Variants in CSMD1 observed in about 807,000 individuals in gnomAD.
CSMD1 encodes CUB and sushi domain-containing protein 1.
A neutral mutation model predicts 417.5 loss-of-function variants in CSMD1; 213 were observed. The observed-to-expected ratio is 0.51, with a 90% CI of 0.46 to 0.57. The LOEUF is 0.57. Among genes scored for constraint, CSMD1 ranks in the 20% least tolerant of loss-of-function variants. The probability of loss-of-function intolerance (pLI) is 0.00; values close to 1 mark genes in which losing one functional copy is unlikely to be tolerated. For missense variants in CSMD1, 6,923 were observed against 4,529.7 expected, an observed-to-expected ratio of 1.53 and a Z score of -15.17; for synonymous variants, 2,862 against 1,736.8, an observed-to-expected ratio of 1.65 and a Z score of -16.11.
chr8:4,242,252 A>C (rs556156724), intron 3 of CSMD1, among the ~76,000 whole-genome samples: 1 of 152,186 alleles, frequency 6.6e-6, no homozygotes, highest in Non-Finnish European at 1.5e-5. Context: ...ATCTTTATAA[A>C]CATCATCTTC....
At chr8:3,108,891 G>A in intron 43 of CSMD1, 143 bp from the exon 44 acceptor site, 1 of 814,202 alleles carries the variant, frequency 1.2e-6, no homozygotes, top group South Asian at 2.1e-5. Flanking sequence ...TAAACATCAA[G>A]ATGTTGAATG....
intron 48 of CSMD1, among the ~76,000 whole-genome samples, chr8:3,091,136 A>G (rs61095123): frequency 0.21 from 32,181 of 151,906 alleles, 3,783 homozygotes; most frequent in South Asian, 0.31. Flanking sequence ...AACTATTAAT[A>G]GTAAGAGATT....
intron 2 of CSMD1, among the ~76,000 whole-genome samples, chr8:4,601,377 T>G (rs959730911): frequency 6.6e-6 from 1 of 152,190 alleles, no homozygotes; most frequent in Non-Finnish European, 1.5e-5. Context: ...GTGTCTGTTA[T>G]CATGGCATTT....
chr8:3,671,153 T>C (rs1346692723), intron 7 of CSMD1, among the ~76,000 whole-genome samples: 2 of 147,858 alleles, frequency 1.4e-5, no homozygotes, highest in African/African-American at 4.9e-5. Context: ...GTATATGGGA[T>C]ATATATGTAT....
intron 5 of CSMD1, among the ~76,000 whole-genome samples, chr8:3,805,178 T>A (rs1338440847): frequency 6.6e-6 from 1 of 151,898 alleles, no homozygotes; most frequent in African/African-American, 2.4e-5. Flanking sequence ...ACCACAATAT[T>A]CCCCAGGACT....
intron 3 of CSMD1, among the ~76,000 whole-genome samples, chr8:4,138,773 G>A (rs978959063): frequency 6.6e-6 from 1 of 152,094 alleles, no homozygotes; most frequent in Non-Finnish European, 1.5e-5. Flanking sequence ...TTAATTATCA[G>A]AATACACTAT....
At chr8:4,708,656 A>T (rs1808097444) in intron 1 of CSMD1, among the ~76,000 whole-genome samples, 1 of 151,804 alleles carries the variant, frequency 6.6e-6, no homozygotes, top group Non-Finnish European at 1.5e-5. Context: ...CATTATAGAC[A>T]CCATCCTAAC....
chr8:3,640,868 G>A (rs1464305320), intron 7 of CSMD1, among the ~76,000 whole-genome samples: 1 of 151,734 alleles, frequency 6.6e-6, no homozygotes, highest in Admixed American at 6.6e-5. Context: ...TTTTTTTATT[G>A]TTAATGATGT....
intron 4 of CSMD1, among the ~76,000 whole-genome samples, chr8:4,012,995 T>C (rs1002814786): frequency 6.6e-6 from 1 of 152,170 alleles, no homozygotes; most frequent in African/African-American, 2.4e-5. Flanking sequence ...ACAACACCTC[T>C]CATTTTCATT....
intron 6 of CSMD1, among the ~76,000 whole-genome samples, chr8:3,751,308 G>C (rs1245363990): frequency 6.9e-6 from 1 of 145,180 alleles, no homozygotes; most frequent in East Asian, 2.0e-4. Flanking sequence ...AAGTGTGTGT[G>C]TGTGTGTGTG....
At chr8:4,216,445 A>T (rs774658279) in intron 3 of CSMD1, among the ~76,000 whole-genome samples, 38 of 152,328 alleles carry the variant, frequency 2.5e-4, no homozygotes, top group African/African-American at 8.2e-4. Flanking sequence ...CTAAGTAAGT[A>T]AGTAAAGCTT....
intron 2 of CSMD1, among the ~76,000 whole-genome samples, chr8:4,464,564 T>C (rs1475016006): frequency 2.0e-5 from 3 of 152,184 alleles, no homozygotes; most frequent in African/African-American, 7.2e-5. Flanking sequence ...AATGGTCGTA[T>C]GGGTACTCAA....
intron 2 of CSMD1, among the ~76,000 whole-genome samples, chr8:4,521,399 C>G (rs143789198): frequency 1.3e-5 from 2 of 151,964 alleles, no homozygotes; most frequent in African/African-American, 4.8e-5. Context: ...AACAAAACAT[C>G]GATAATAGCC....
chr8:3,205,568 G>A lies in CSMD1; in HGVS notation c.4920C>T (p.Asn1640=), dbSNP rs761371319. ...TGSEGVVLSP[N]YPHNYTAGQI... ...GACCAGCTGTGTAATTATGGGGGTA[G>A]TTTGGTGATAAAACTACCCCTTCTG... Residue 1640 remains asparagine, a synonymous_variant, in exon 31 of 70, where the codon AAC becomes AAT. Coordinates refer to ENST00000635120, the MANE Select transcript of CSMD1 (RefSeq NM_033225.6). 3 of 1,602,000 alleles carry A rather than the reference G, an allele frequency of 1.9e-6. No homozygotes were observed. In the South Asian group the frequency reaches 3.4e-5, roughly 18 times the overall value.
At chr8:3,990,731 T>C (rs1026770140) in intron 5 of CSMD1, among the ~76,000 whole-genome samples, 2 of 152,308 alleles carry the variant, frequency 1.3e-5, no homozygotes, top group South Asian at 2.1e-4. Flanking sequence ...AGACAGTCGA[T>C]GGCTTCTCAG....
chr8:4,398,122 C>T (rs1488189585), intron 3 of CSMD1, among the ~76,000 whole-genome samples: 1 of 152,142 alleles, frequency 6.6e-6, no homozygotes, highest in East Asian at 1.9e-4. Flanking sequence ...GCTAATGCCA[C>T]ATCTGGCAAA....
chr8:2,950,004 C>T (rs1408916482), intron 67 of CSMD1, among the ~76,000 whole-genome samples: 1 of 152,126 alleles, frequency 6.6e-6, no homozygotes. Context: ...ACAGTAACCA[C>T]CCCTTTAAGG....
chr8:3,884,916 T>TTC (rs1806452936), intron 5 of CSMD1, among the ~76,000 whole-genome samples: 1 of 140,654 alleles, frequency 7.1e-6, no homozygotes, highest in Non-Finnish European at 1.5e-5. Flanking sequence ...CTTCTAAATA[T>TTC]ATATATATAT....
intron 3 of CSMD1, among the ~76,000 whole-genome samples, chr8:4,263,681 T>C (rs931194547): frequency 6.6e-6 from 1 of 152,338 alleles, no homozygotes; most frequent in East Asian, 1.9e-4. Context: ...GAATTATTTA[T>C]ATCACCTTAA....
Sources: gnomAD v4.1 joint callset for allele counts (sites outside exome capture counted in the v4.1 genomes callset) on GRCh38, gnomAD v4.1.1 for gene constraint, MANE v1.5 for transcripts, NCBI Gene and HGNC (gene_info 2026-07-23, HGNC 2026-07-21) for gene names.